Variants in PGGT1B observed in about 807,000 individuals in gnomAD.
The protein encoded by PGGT1B is protein geranylgeranyltransferase type I subunit beta.
A neutral mutation model predicts 46.1 loss-of-function variants in PGGT1B; 30 were observed. That is an observed-to-expected ratio of 0.65 (90% confidence interval 0.49 to 0.88). The LOEUF (loss-of-function observed/expected upper bound fraction) is 0.88, where lower values mean the gene tolerates loss of function less well. Ranked by LOEUF, PGGT1B falls within the 40% of genes least tolerant of loss-of-function variation. The pLI is 0.00. For missense variants in PGGT1B, 376 were observed against 455.9 expected (o/e 0.82, Z 1.60); for synonymous variants, 170 against 160.0 (o/e 1.06, Z -0.47).
intron 5 of PGGT1B, among the ~76,000 whole-genome samples, chr5:115,232,756 A>C (rs1434931344): frequency 1.3e-5 from 2 of 152,008 alleles, no homozygotes; most frequent in African/African-American, 4.8e-5. Context: ...GCCTGTTCAG[A>C]AAGAGGCCTG....
intron 1 of PGGT1B, 70 bp downstream of exon 1, chr5:115,262,642 C>T: frequency 6.6e-7 from 1 of 1,521,504 alleles, no homozygotes; most frequent in Admixed American, 2.0e-5. Flanking sequence ...AGTTTGCGGT[C>T]CGACTCCGCC....
intron 7 of PGGT1B, among the ~76,000 whole-genome samples, chr5:115,218,697 T>G (rs1373793181): frequency 1.3e-5 from 2 of 151,580 alleles, no homozygotes; most frequent in Non-Finnish European, 3.0e-5. Context: ...TGAGAAGGAA[T>G]GAAAGAATAC....
At chr5:115,250,972 T>C (rs1748068527) in intron 2 of PGGT1B, among the ~76,000 whole-genome samples, 1 of 152,184 alleles carries the variant, frequency 6.6e-6, no homozygotes, top group Non-Finnish European at 1.5e-5. Flanking sequence ...TTATTTTCCA[T>C]GGTGTGAATA....
chr5:115,255,762 CTT>C (rs1748284005), intron 1 of PGGT1B, among the ~76,000 whole-genome samples: 2 of 152,090 alleles, frequency 1.3e-5, no homozygotes, highest in Non-Finnish European at 2.9e-5. Context: ...TAGTCCATCT[CTT>C]TGATTTTCTA....
chr5:115,242,719 T>C (rs962480569), intron 2 of PGGT1B, among the ~76,000 whole-genome samples: 1 of 152,138 alleles, frequency 6.6e-6, no homozygotes, highest in Non-Finnish European at 1.5e-5. Flanking sequence ...ATCCCAGCAC[T>C]TGGGGAGGAG....
chr5:115,218,163 T>C (rs1159135759), intron 7 of PGGT1B, among the ~76,000 whole-genome samples: 1 of 151,786 alleles, frequency 6.6e-6, no homozygotes, highest in Non-Finnish European at 1.5e-5. Context: ...AGGCTAAATC[T>C]TAATTTCTCA....
chr5:115,257,470 C>T lies in PGGT1B; in HGVS notation c.141-4215G>A, dbSNP rs561440552. Among the ~76,000 whole-genome samples the T allele has an allele frequency of 6.7e-5, 9 of 133,442 alleles. No homozygotes were observed. The Admixed American group carries it at 7.1e-4, about 11-fold the overall frequency. The allele number at this position is 133,442 out of a possible 152,430, so 87.5% of individuals were successfully genotyped here. ...TGGAGGTTACAGTGAGCTGAGGTTG[C>T]AGTGAGCCGAGATCGTGCCATTGCA... On this transcript the variant is annotated intron_variant, in intron 1 of 8. Coordinates refer to ENST00000419445, the MANE Select transcript of PGGT1B (RefSeq NM_005023.4).
chr5:115,215,358 G>A (rs1756383545), intron 8 of PGGT1B, among the ~76,000 whole-genome samples: 1 of 151,920 alleles, frequency 6.6e-6, no homozygotes, highest in Non-Finnish European at 1.5e-5. Context: ...GAGTGCAGTG[G>A]TGTGACCTTG....
chr5:115,248,242 C>A (rs1396388859), intron 2 of PGGT1B, among the ~76,000 whole-genome samples: 1 of 152,010 alleles, frequency 6.6e-6, no homozygotes, highest in East Asian at 1.9e-4. Flanking sequence ...AAAATCTGTA[C>A]CTCACAGAAA....
At chr5:115,236,273 A>C in intron 5 of PGGT1B, 117 bp downstream of exon 5, 1 of 729,306 alleles carries the variant, frequency 1.4e-6, no homozygotes, top group Non-Finnish European at 2.2e-6. Flanking sequence ...ACCAAAAAGC[A>C]ATCTTAATGC....
At chr5:115,221,692 G>A (rs1756594655) in intron 7 of PGGT1B, 132 bp downstream of exon 7, 1 of 482,256 alleles carries the variant, frequency 2.1e-6, no homozygotes, top group Non-Finnish European at 3.6e-6. Flanking sequence ...GACTAGCTTT[G>A]GCAGAGCAAA....
rs966527465 is a variant in PGGT1B, at chr5:115,209,612, G to A, written c.*2790C>T. The A allele has an allele frequency of 6.6e-6, 1 of 152,074 alleles. No homozygotes were observed. The highest frequency in any genetic ancestry group is 2.4e-5 in the African/African-American group (1 of 41,424). 9.4% of individuals were successfully genotyped at this position (152,074 alleles called of 1,614,324 possible). On this transcript the variant is annotated 3_prime_UTR_variant, in exon 9 of 9. Coordinates refer to ENST00000419445, the MANE Select transcript of PGGT1B (RefSeq NM_005023.4). ...ATCTAGCGTTGTAATAGTGTCTGTG[G>A]CTATCCTAGTTGCTCTGTATTCTTA...
intron 2 of PGGT1B, among the ~76,000 whole-genome samples, chr5:115,247,281 T>G (rs1747892288): frequency 6.6e-6 from 1 of 152,272 alleles, no homozygotes; most frequent in East Asian, 1.9e-4. Context: ...GGGAGTTGCT[T>G]TTCATAAAAA....
chr5:115,219,621 T>C (rs1756526698), intron 7 of PGGT1B, among the ~76,000 whole-genome samples: 1 of 151,840 alleles, frequency 6.6e-6, no homozygotes, highest in African/African-American at 2.4e-5. Context: ...AAAAAACTTT[T>C]GTGCGTTAAA....
rs952726309 is a variant in PGGT1B, at chr5:115,210,761, G to C, written c.*1641C>G. On this transcript the variant is annotated 3_prime_UTR_variant, in exon 9 of 9. Coordinates refer to ENST00000419445, the MANE Select transcript of PGGT1B (RefSeq NM_005023.4). ...CAATGTCTAAGAGATGACTTAGTTT[G>C]AGATATGGATGTCTTAATCTGCCAG... 2.0e-5 allele frequency: 3 copies of C among 152,014 alleles called. No homozygotes were observed. Among genetic ancestry groups the C allele is most frequent in the African/African-American group, 7.2e-5 (3 of 41,420 alleles). The allele number at this position is 152,014 out of a possible 1,614,324, so 9.4% of individuals were successfully genotyped here.
chr5:115,250,365 T>C (rs1432033664), intron 2 of PGGT1B, among the ~76,000 whole-genome samples: 1 of 152,248 alleles, frequency 6.6e-6, no homozygotes, highest in Admixed American at 6.5e-5. Context: ...GAGAAAAAAG[T>C]TGGAGAAGGG....
chr5:115,213,007 T>A (rs1396480609), intron 8 of PGGT1B, among the ~76,000 whole-genome samples: 1 of 152,126 alleles, frequency 6.6e-6, no homozygotes, highest in Non-Finnish European at 1.5e-5. Flanking sequence ...AAACTCTGAA[T>A]CTAAGTTGCA....
At chr5:115,251,853 T>C (rs1748116102) in intron 2 of PGGT1B, among the ~76,000 whole-genome samples, 1 of 151,898 alleles carries the variant, frequency 6.6e-6, no homozygotes, top group Admixed American at 6.6e-5. Context: ...CCAAGCACAA[T>C]CTGTAATAAT....
chr5:115,210,580 T>A lies in PGGT1B; in HGVS notation c.*1822A>T, dbSNP rs1349256808. ...AGGAGTTAGAAAATATTTAGCCTTA[T>A]GAAATACTTTTAGATTGGAATTTTT... is the stretch of plus-strand genomic sequence containing the variant. On this transcript the variant is annotated 3_prime_UTR_variant, in exon 9 of 9. Coordinates refer to ENST00000419445, the MANE Select transcript of PGGT1B (RefSeq NM_005023.4). 3 of 152,224 alleles carry A rather than the reference T, an allele frequency of 2.0e-5. No homozygotes were observed. In the East Asian group the frequency reaches 5.8e-4, roughly 29 times the overall value. The allele number at this position is 152,224 out of a possible 1,614,324, so 9.4% of individuals were successfully genotyped here.
Sources: allele counts gnomAD v4.1 joint callset (sites outside exome capture counted in the v4.1 genomes callset), GRCh38; gene constraint gnomAD v4.1.1; transcripts MANE v1.5; gene names NCBI Gene and HGNC (gene_info 2026-07-23, HGNC 2026-07-21).